Variants in TBC1D22A observed in about 807,000 individuals in gnomAD.
TBC1D22A encodes putative GTPase activator.
TBC1D22A carries 38 observed loss-of-function variants against 60.2 expected under a neutral mutation model. That is an observed-to-expected ratio of 0.63 (90% CI 0.49 to 0.83). TBC1D22A has a LOEUF of 0.83. Among genes scored for constraint, TBC1D22A ranks in the 40% least tolerant of loss-of-function variants. TBC1D22A has a pLI of 0.00. For missense variants in TBC1D22A, 628 were observed against 701.0 expected, an observed-to-expected ratio of 0.90 and a Z score of 1.18; for synonymous variants, 302 against 281.7, an observed-to-expected ratio of 1.07 and a Z score of -0.72.
chr22:47,169,740 C>T lies in TBC1D22A; in HGVS notation c.1426-3758C>T, dbSNP rs185055738. 1.3e-3 allele frequency among the ~76,000 whole-genome samples: 201 copies of T among 152,322 alleles called. 1 individual carries two copies. The highest frequency in any genetic ancestry group is 3.7e-4 in the Non-Finnish European group (25 of 68,030). On this transcript the variant is annotated intron_variant, in intron 12 of 12. Transcript: ENST00000337137. ...GGAGGGACGGATTGCAGACCTGACG[C>T]GACCTTGACTTCTACAGCATCAGTG...
chr22:47,111,631 CAA>C, intron 12 of TBC1D22A, 28 bp downstream of exon 12: 1 of 1,591,294 alleles, frequency 6.3e-7, no homozygotes, highest in Non-Finnish European at 8.6e-7. Flanking sequence ...CAAAAGAACC[CAA>C]GTTTGATTTT....
intron 8 of TBC1D22A, among the ~76,000 whole-genome samples, chr22:46,944,633 T>C (rs545687892): frequency 3.9e-5 from 6 of 152,310 alleles, no homozygotes; most frequent in South Asian, 4.1e-4. Flanking sequence ...CTCATGACCT[T>C]GTAATCTGCC....
chr22:46,821,267 G>T (rs2085817933), intron 4 of TBC1D22A, among the ~76,000 whole-genome samples: 1 of 152,020 alleles, frequency 6.6e-6, no homozygotes, highest in South Asian at 2.1e-4. Flanking sequence ...TGTGAATTTG[G>T]TCCTGTCATC....
At chr22:46,906,799 GTA>G (rs1555940380) in intron 7 of TBC1D22A, among the ~76,000 whole-genome samples, 2 of 125,756 alleles carry the variant, frequency 1.6e-5, no homozygotes, top group East Asian at 2.1e-4. Flanking sequence ...GTGTGTGTGT[GTA>G]TGTGTGTGTG....
chr22:47,005,646 A>C (rs551762716), intron 10 of TBC1D22A, among the ~76,000 whole-genome samples: 78 of 151,028 alleles, frequency 5.2e-4, no homozygotes, highest in Non-Finnish European at 7.5e-4. Flanking sequence ...GTACACACAC[A>C]CACACACCCA....
intron 4 of TBC1D22A, among the ~76,000 whole-genome samples, chr22:46,813,675 G>T (rs1227580771): frequency 6.6e-6 from 1 of 152,192 alleles, no homozygotes; most frequent in Non-Finnish European, 1.5e-5. Flanking sequence ...GCATATGTCA[G>T]AAGTTCCGTG....
chr22:47,042,149 C>T (rs2062866560), intron 11 of TBC1D22A, among the ~76,000 whole-genome samples: 1 of 150,616 alleles, frequency 6.6e-6, no homozygotes. Flanking sequence ...CCCTTTCATA[C>T]TGTGTCACAG....
chr22:47,167,852 A>G (rs558548438), intron 12 of TBC1D22A, among the ~76,000 whole-genome samples: 1 of 152,352 alleles, frequency 6.6e-6, no homozygotes, highest in East Asian at 1.9e-4. Flanking sequence ...CGTGGACTCT[A>G]TCCAGAACTG....
chr22:46,839,703 A>G (rs1432839504), intron 4 of TBC1D22A, among the ~76,000 whole-genome samples: 1 of 152,228 alleles, frequency 6.6e-6, no homozygotes, highest in African/African-American at 2.4e-5. Context: ...ATATGTTACA[A>G]AACTAGATTA....
At chr22:46,905,404 G>A (rs948562914) in intron 7 of TBC1D22A, among the ~76,000 whole-genome samples, 2 of 152,226 alleles carry the variant, frequency 1.3e-5, no homozygotes, top group Non-Finnish European at 2.9e-5. Context: ...GGAGCTCAGG[G>A]TCTGTGCCTG....
At chr22:46,807,472 G>A (rs931565782) in intron 4 of TBC1D22A, among the ~76,000 whole-genome samples, 1 of 152,156 alleles carries the variant, frequency 6.6e-6, no homozygotes, top group African/African-American at 2.4e-5. Flanking sequence ...GATGTTAGAA[G>A]GAAGAAGCAC....
intron 12 of TBC1D22A, among the ~76,000 whole-genome samples, chr22:47,130,044 G>T (rs1425456430): frequency 6.6e-6 from 1 of 152,238 alleles, no homozygotes; most frequent in Non-Finnish European, 1.5e-5. Context: ...GGGGTGGTGT[G>T]CCTGGACTTG....
intron 8 of TBC1D22A, among the ~76,000 whole-genome samples, chr22:46,952,661 A>G (rs2072978180): frequency 6.6e-6 from 1 of 152,170 alleles, no homozygotes. Flanking sequence ...CTGGTACCAC[A>G]GAGTCCAGTG....
intron 10 of TBC1D22A, among the ~76,000 whole-genome samples, chr22:47,032,280 A>G (rs2062504321): frequency 6.6e-6 from 1 of 152,186 alleles, no homozygotes; most frequent in African/African-American, 2.4e-5. Flanking sequence ...CCCCGCACAC[A>G]TCACATGTGT....
intron 4 of TBC1D22A, among the ~76,000 whole-genome samples, chr22:46,835,599 A>G (rs956470978): frequency 5.3e-5 from 8 of 152,224 alleles, no homozygotes; most frequent in Non-Finnish European, 1.2e-4. Context: ...ATGGAACAAC[A>G]TTAAGCAAAG....
intron 9 of TBC1D22A, among the ~76,000 whole-genome samples, chr22:46,974,917 A>C (rs1227288544): frequency 3.9e-5 from 6 of 152,048 alleles, no homozygotes; most frequent in Non-Finnish European, 7.4e-5. Context: ...CACAGTGGGG[A>C]CCCTGCGGGT....
intron 12 of TBC1D22A, among the ~76,000 whole-genome samples, chr22:47,162,067 C>G (rs901975498): frequency 2.0e-5 from 3 of 152,214 alleles, no homozygotes; most frequent in Non-Finnish European, 4.4e-5. Flanking sequence ...TTCAAGAGCT[C>G]TTTCCATATG....
intron 10 of TBC1D22A, among the ~76,000 whole-genome samples, chr22:47,019,898 CCCTT>C (rs1569345080): frequency 6.6e-6 from 1 of 150,924 alleles, no homozygotes; most frequent in Admixed American, 6.6e-5. Context: ...CCTCTCCTCT[CCCTT>C]AACTCTCCAT....
chr22:47,066,757 C>T (rs2147485871), intron 11 of TBC1D22A, among the ~76,000 whole-genome samples: 1 of 152,334 alleles, frequency 6.6e-6, no homozygotes, highest in South Asian at 2.1e-4. Context: ...CTAGGTCCCC[C>T]ATGAACTTTG....
Sources: gnomAD v4.1 joint callset for allele counts (sites outside exome capture counted in the v4.1 genomes callset) on GRCh38, gnomAD v4.1.1 for gene constraint, MANE v1.5 for transcripts, NCBI Gene and HGNC (gene_info 2026-07-23, HGNC 2026-07-21) for gene names.